TNNI3K: variants seen among roughly 807,000 people sequenced by gnomAD.
TNNI3K encodes serine/threonine-protein kinase TNNI3K.
TNNI3K carries 140 observed loss-of-function variants against 114.5 expected under a neutral mutation model. The observed-to-expected ratio is 1.22, with a 90% CI of 1.07 to 1.41. The LOEUF (loss-of-function observed/expected upper bound fraction) is 1.41, where lower values mean the gene tolerates loss of function less well. Among genes scored for constraint, TNNI3K ranks in the 40% most tolerant of loss-of-function variants. TNNI3K has a pLI of 0.00. For missense variants in TNNI3K, 1,125 were observed against 1,007.6 expected (o/e 1.12, Z -1.58); for synonymous variants, 347 against 347.5 (o/e 1.00, Z 0.02).
At chr1:74,309,031 G>C (rs1219270924) in intron 5 of TNNI3K, among the ~76,000 whole-genome samples, 2 of 152,050 alleles carry the variant, frequency 1.3e-5, no homozygotes, top group Non-Finnish European at 2.9e-5. Flanking sequence ...ACCATAAAAA[G>C]CACTGGACCA....
intron 17 of TNNI3K, among the ~76,000 whole-genome samples, chr1:74,414,116 T>C (rs576097848): frequency 6.6e-6 from 1 of 152,332 alleles, no homozygotes; most frequent in South Asian, 2.1e-4. Flanking sequence ...TTATTAGTGT[T>C]GCATTTGTGG....
At chr1:74,486,851 A>T (rs1668793593) in intron 21 of TNNI3K, among the ~76,000 whole-genome samples, 1 of 152,152 alleles carries the variant, frequency 6.6e-6, no homozygotes. Context: ...ATTGAAAAAC[A>T]TGTTTCAGGG....
intron 21 of TNNI3K, among the ~76,000 whole-genome samples, chr1:74,487,766 TA>T (rs1225262829): frequency 6.6e-6 from 1 of 152,212 alleles, no homozygotes; most frequent in Non-Finnish European, 1.5e-5. Flanking sequence ...CTGCTCGTAA[TA>T]AAAAGCTCTT....
chr1:74,347,867 G>T (rs1026091715), intron 9 of TNNI3K, among the ~76,000 whole-genome samples: 1 of 152,004 alleles, frequency 6.6e-6, no homozygotes, highest in Non-Finnish European at 1.5e-5. Flanking sequence ...TTGTAAATTT[G>T]TATGAGTTCA....
At chr1:74,384,796 C>T (rs1336174445) in intron 17 of TNNI3K, among the ~76,000 whole-genome samples, 1 of 152,042 alleles carries the variant, frequency 6.6e-6, no homozygotes, top group Non-Finnish European at 1.5e-5. Flanking sequence ...CTAAATTAAT[C>T]ATTTCACAAT....
chr1:74,274,985 T>C (rs1468381867), intron 5 of TNNI3K, among the ~76,000 whole-genome samples: 2 of 152,110 alleles, frequency 1.3e-5, no homozygotes, highest in Non-Finnish European at 2.9e-5. Context: ...CACTCATATG[T>C]ATCACTTTCA....
At chr1:74,466,467 G>A (rs751797478) in intron 21 of TNNI3K, among the ~76,000 whole-genome samples, 18 of 152,062 alleles carry the variant, frequency 1.2e-4, no homozygotes, top group Non-Finnish European at 1.8e-4. Flanking sequence ...AAAGGATACT[G>A]TTAAAAAAAA....
intron 17 of TNNI3K, among the ~76,000 whole-genome samples, chr1:74,402,348 T>C (rs1244955505): frequency 6.6e-6 from 1 of 152,154 alleles, no homozygotes; most frequent in East Asian, 1.9e-4. Context: ...AAGCAAGGAA[T>C]AGTAAGATAT....
intron 17 of TNNI3K, chr1:74,371,643 A>G (rs1412458855): frequency 6.6e-6 from 1 of 151,882 alleles, no homozygotes; most frequent in Non-Finnish European, 1.5e-5. Context: ...TACAAAGTGT[A>G]TAAATGTATG....
chr1:74,357,701 T>C lies in TNNI3K; in HGVS notation c.1177+3572T>C, dbSNP rs139430657. On this transcript the variant is annotated intron_variant, in intron 11 of 24. Transcript: ENST00000326637. ...CGTCATCCTACACAGAAGCCACTGT[T>C]TAAGTTTCAATATTTATCTGCCAGA... Among the ~76,000 whole-genome samples the C allele has an allele frequency of 3.2e-4, 48 of 152,240 alleles. 1 individual carries two copies. The East Asian group carries it at 9.1e-3, about 29-fold the overall frequency.
At chr1:74,439,333 GCA>G in intron 19 of TNNI3K, 155 bp from the exon 20 acceptor site, 1 of 1,157,566 alleles carries the variant, frequency 8.6e-7, no homozygotes, top group South Asian at 2.0e-5. Context: ...CATGTTTATT[GCA>G]CACACTGAGG....
chr1:74,413,601 A>G (rs1358253151), intron 17 of TNNI3K, among the ~76,000 whole-genome samples: 1 of 152,188 alleles, frequency 6.6e-6, no homozygotes, highest in Admixed American at 6.5e-5. Flanking sequence ...TAATAAAACT[A>G]AAATGTAGCA....
chr1:74,348,215 T>A (rs1661128254), intron 9 of TNNI3K, among the ~76,000 whole-genome samples: 1 of 152,370 alleles, frequency 6.6e-6, no homozygotes, highest in South Asian at 2.1e-4. Context: ...TTTCTACATG[T>A]GGCTAACCAG....
chr1:74,516,228 A>C (rs1278931521), intron 23 of TNNI3K, among the ~76,000 whole-genome samples: 1 of 152,188 alleles, frequency 6.6e-6, no homozygotes, highest in African/African-American at 2.4e-5. Flanking sequence ...AAAAATTTTG[A>C]CTAATGTTGA....
chr1:74,385,486 A>G (rs1238035215), intron 17 of TNNI3K, among the ~76,000 whole-genome samples: 1 of 152,208 alleles, frequency 6.6e-6, no homozygotes. Context: ...GCACCTTTCC[A>G]ATCATGAACA....
At position 74,378,423 on chromosome 1, in the gene TNNI3K, C is replaced by G. The variant is rs1379629375; in HGVS notation, c.1772+8031C>G. On this transcript the variant is annotated intron_variant, in intron 17 of 24. Transcript: ENST00000326637. ...TGTGTGGATGAACAAGTTGTTGAGGCGGTCCCTATCCATGATGTTACTCAG... is the reference window on the plus strand; with the variant it reads ...TGTGTGGATGAACAAGTTGTTGAGGGGGTCCCTATCCATGATGTTACTCAG... Among the ~76,000 whole-genome samples the G allele has an allele frequency of 3.6e-4, 55 of 150,836 alleles. 2 individuals carry two copies. Among genetic ancestry groups the G allele is most frequent in the Non-Finnish European group, 1.3e-4 (9 of 67,758 alleles).
intron 23 of TNNI3K, among the ~76,000 whole-genome samples, chr1:74,503,780 T>G (rs1428363252): frequency 6.6e-6 from 1 of 152,214 alleles, no homozygotes; most frequent in Admixed American, 6.5e-5. Context: ...CATAACTTCT[T>G]GAAATGCCCA....
At chr1:74,539,127 T>C (rs1472359545) in intron 23 of TNNI3K, among the ~76,000 whole-genome samples, 1 of 152,126 alleles carries the variant, frequency 6.6e-6, no homozygotes, top group Non-Finnish European at 1.5e-5. Flanking sequence ...AAAAGATTCG[T>C]CTAGGCCTTG....
At chr1:74,270,178 T>C (rs1485629864) in intron 4 of TNNI3K, among the ~76,000 whole-genome samples, 1 of 151,686 alleles carries the variant, frequency 6.6e-6, no homozygotes, top group East Asian at 1.9e-4. Context: ...TGAGGAGTAG[T>C]GTGAGAAAAG....
Sources: allele counts gnomAD v4.1 joint callset (sites outside exome capture counted in the v4.1 genomes callset), GRCh38; gene constraint gnomAD v4.1.1; transcripts MANE v1.5; gene names NCBI Gene and HGNC (gene_info 2026-07-23, HGNC 2026-07-21).